EPB41L1: variants seen among roughly 807,000 people sequenced by gnomAD.
The protein encoded by EPB41L1 is band 4.1-like protein 1.
Under a neutral mutation model 97.8 loss-of-function variants are expected in EPB41L1, and 29 were observed. The ratio of observed to expected loss-of-function variants is 0.30; its 90% CI spans 0.22 to 0.40. EPB41L1 has a LOEUF of 0.40. Among genes scored for constraint, EPB41L1 ranks in the 10% least tolerant of loss-of-function variants. The probability of loss-of-function intolerance (pLI) is 1.00; values close to 1 mark genes in which losing one functional copy is unlikely to be tolerated. For missense variants in EPB41L1, 812 were observed against 1,162.3 expected, an observed-to-expected ratio of 0.70 and a Z score of 4.38; for synonymous variants, 383 against 459.2, an observed-to-expected ratio of 0.83 and a Z score of 2.12.
At position 36,195,358 on chromosome 20, in the gene EPB41L1, G is replaced by C; in HGVS notation, c.1479G>C (p.Lys493Asn). ...AGCAGGAAACCACGCCGAGACACAAGCAGGAGGTACTGCATGGGACCTGTC... is the reference window on the plus strand; with the variant it reads ...AGCAGGAAACCACGCCGAGACACAACCAGGAGGTACTGCATGGGACCTGTC... Reference protein sequence around the residue: ...KPEQETTPRHKQEFLDKPEDV... With the variant: ...KPEQETTPRHNQEFLDKPEDV... The change falls in exon 13 of 22, where the codon AAG becomes AAC. Residue 493 changes from lysine to asparagine, a missense_variant. By Grantham distance (94) the Lys-to-Asn change is moderately conservative (BLOSUM62 0). Around this residue, in one of 3 missense-constraint regions of EPB41L1, gnomAD observed 498 missense variants for 622.7 expected, o/e 0.80. Transcript: ENST00000338074. This position sits in a 1 kb window ranked among gnomAD's most constrained non-coding sequence, Gnocchi z 4.6. 6.2e-7 allele frequency: 1 copy of C among 1,613,980 alleles called. No individual in the cohort carries two copies. Among genetic ancestry groups the C allele is most frequent in the Non-Finnish European group, 8.5e-7 (1 of 1,179,982 alleles).
chr20:36,210,477 C>T (rs2063069594), intron 15 of EPB41L1, among the ~76,000 whole-genome samples: 2 of 152,100 alleles, frequency 1.3e-5, no homozygotes, highest in Admixed American at 6.5e-5. Context: ...GGCACGCCTG[C>T]CCATATCATT....
At chr20:36,119,471 G>A (rs1378448797) in intron 2 of EPB41L1, among the ~76,000 whole-genome samples, 1 of 152,062 alleles carries the variant, frequency 6.6e-6, no homozygotes, top group African/African-American at 2.4e-5. Flanking sequence ...GTATGGTGGT[G>A]CACGCCTGTA....
rs748857568 is a variant in EPB41L1 at position 36,195,306 on chromosome 20, TCCCTCCTA to T, written c.1450-20_1450-13del. ...GCTCTACTGACCCTGCTGCTTTCTT[TCCCTCCTA>T]CCACATCCCACTAGCCGGAGCAGGA... On this transcript the variant is annotated splice_polypyrimidine_tract_variant and intron_variant, in intron 12 of 21. Transcript: ENST00000338074. The surrounding 1 kb of genome is among the most constrained non-coding windows in gnomAD (Gnocchi z 4.6). 2.5e-6 allele frequency: 4 copies of T among 1,613,872 alleles called. No individual in the cohort carries two copies. The highest frequency in any genetic ancestry group is 2.5e-6 in the Non-Finnish European group (3 of 1,179,934).
chr20:36,099,995 C>T (rs2057959339), intron 1 of EPB41L1, among the ~76,000 whole-genome samples: 1 of 152,202 alleles, frequency 6.6e-6, no homozygotes, highest in South Asian at 2.1e-4. Flanking sequence ...GTTCTGTTAT[C>T]ACTCTGGCTA....
intron 2 of EPB41L1, among the ~76,000 whole-genome samples, chr20:36,174,482 AG>A (rs961685312): frequency 2.0e-5 from 3 of 152,108 alleles, no homozygotes; most frequent in Admixed American, 1.3e-4. Context: ...CATATTGGCC[AG>A]GCTGGTCTCA....
intron 1 of EPB41L1, among the ~76,000 whole-genome samples, chr20:36,098,164 G>T (rs1332103222): frequency 6.6e-6 from 1 of 152,166 alleles, no homozygotes; most frequent in African/African-American, 2.4e-5. Context: ...TTTCACGACA[G>T]CCTGGCCCTG....
intron 1 of EPB41L1, among the ~76,000 whole-genome samples, chr20:36,100,683 G>A (rs933497241): frequency 6.6e-6 from 1 of 152,202 alleles, no homozygotes; most frequent in Non-Finnish European, 1.5e-5. Context: ...AGATCTGTCC[G>A]AAGCCCACCG....
rs531817058 is a variant in EPB41L1 at position 36,160,603 on chromosome 20, A to G, written c.-15+5707A>G. 5.3e-5 allele frequency among the ~76,000 whole-genome samples: 8 copies of G among 151,970 alleles called. No individual in the cohort carries two copies. In the South Asian group the frequency reaches 1.7e-3, roughly 32 times the overall value. On this transcript the variant is annotated intron_variant, in intron 1 of 21. Transcript: ENST00000338074. Reference sequence around the variant, plus strand: ...AGACTCCGTCACAAAAAAAAAAAAGAAAGAAAGAAAGAAAAAAAGTGTATT... The same window carrying G: ...AGACTCCGTCACAAAAAAAAAAAAGGAAGAAAGAAAGAAAAAAAGTGTATT...
intron 1 of EPB41L1, among the ~76,000 whole-genome samples, chr20:36,100,504 G>A (rs1406808329): frequency 6.6e-6 from 1 of 152,194 alleles, no homozygotes; most frequent in Non-Finnish European, 1.5e-5. Context: ...TTGGCTTACT[G>A]TGTGCCAGGC....
chr20:36,093,352 C>G lies in EPB41L1; in HGVS notation c.-65+1740C>G, dbSNP rs1444454249. 6.8e-6 allele frequency among the ~76,000 whole-genome samples: 1 copy of G among 146,796 alleles called. No individual in the cohort carries two copies. Among genetic ancestry groups the G allele is most frequent in the Non-Finnish European group, 1.5e-5 (1 of 66,354 alleles). The stretch of plus-strand genomic sequence containing the variant: ...GTGTGTGCGCGCGCGTCGCTGTGTG[C>G]GCGCCAGTGTAACTCCCGTGTGTGC... On this transcript the variant is annotated intron_variant, in intron 1 of 19. Transcript: ENST00000202028. The surrounding 1 kb of genome is among the most constrained non-coding windows in gnomAD (Gnocchi z 5.4).
chr20:36,095,076 ATTC>A (rs1356993957), intron 1 of EPB41L1, among the ~76,000 whole-genome samples: 2 of 151,972 alleles, frequency 1.3e-5, no homozygotes, highest in East Asian at 3.9e-4. Context: ...GGTTCAAGCA[ATTC>A]TTCTTCCTCA....
intron 1 of EPB41L1, chr20:36,155,368 C>G (rs1879814500): frequency 2.8e-6 from 1 of 361,740 alleles, no homozygotes; most frequent in Admixed American, 3.6e-5. Flanking sequence ...CCTTCCGTCT[C>G]CCTTCCAAGT....
chr20:36,130,963 C>A (rs1465460032), intron 2 of EPB41L1, among the ~76,000 whole-genome samples: 2 of 151,422 alleles, frequency 1.3e-5, no homozygotes, highest in African/African-American at 2.4e-5. Flanking sequence ...AGCCCGCCAC[C>A]ACACCCGGCT....
At chr20:36,103,995 C>T (rs2058107575) in intron 1 of EPB41L1, among the ~76,000 whole-genome samples, 2 of 152,174 alleles carry the variant, frequency 1.3e-5, no homozygotes, top group Admixed American at 1.3e-4. Flanking sequence ...TGAGCCACCG[C>T]CCCGGCATTA....
chr20:36,185,428 C>A, intron 7 of EPB41L1, 93 bp downstream of exon 7: 1 of 1,197,632 alleles, frequency 8.3e-7, no homozygotes, highest in Non-Finnish European at 1.2e-6. Context: ...ACATACTGTG[C>A]TGTTTGTACC....
At chr20:36,224,270 GTAAA>G (rs976442690) in intron 21 of EPB41L1, among the ~76,000 whole-genome samples, 4 of 152,134 alleles carry the variant, frequency 2.6e-5, no homozygotes, top group African/African-American at 4.8e-5. Flanking sequence ...TATAAAAAAA[GTAAA>G]TAATCTCAAT....
chr20:36,193,292 TA>T (rs2062043853), intron 11 of EPB41L1, among the ~76,000 whole-genome samples: 1 of 152,182 alleles, frequency 6.6e-6, no homozygotes, highest in Non-Finnish European at 1.5e-5. Context: ...TCATCCTCTG[TA>T]AAATGGGGAT....
In EPB41L1 at chr20:36,223,893, G is replaced by GA. The variant is rs144920454; in HGVS notation, c.2637+1507dup. ...CACATTTCATGGGCTCTACCACAAT[G>GA]AAAAAAAATCCATCTCAAAGACCCC... On this transcript the variant is annotated intron_variant, in intron 21 of 21. Transcript: ENST00000338074. Among the ~76,000 whole-genome samples the GA allele has an allele frequency of 7.9e-3, 1,201 of 152,020 alleles. 12 individuals carry two copies. The highest frequency in any genetic ancestry group is 0.028 in the African/African-American group (1,153 of 41,456).
Position 36,180,090 on chromosome 20 carries a change from C to T in EPB41L1, c.490+1418C>T, listed in dbSNP as rs145463885. Among the ~76,000 whole-genome samples, 1,508 of 152,326 alleles carry T rather than the reference C, an allele frequency of 9.9e-3. 61 individuals are homozygous for T. The highest frequency in any genetic ancestry group is 0.072 in the Admixed American group (1,100 of 15,302). On this transcript the variant is annotated intron_variant, in intron 5 of 21. Coordinates refer to ENST00000338074, the MANE Select transcript of EPB41L1 (RefSeq NM_012156.2). ...TGGCCTGCAGCCCCTGCCAGCACAGCCCAGGCCTGGTGGATGTCACTCCTT... is the reference window on the plus strand; with the variant it reads ...TGGCCTGCAGCCCCTGCCAGCACAGTCCAGGCCTGGTGGATGTCACTCCTT...
Sources: allele counts gnomAD v4.1 joint callset (sites outside exome capture counted in the v4.1 genomes callset), GRCh38; gene constraint gnomAD v4.1.1; regional missense constraint gnomAD v4.1.1; non-coding constraint Gnocchi (gnomAD v3.1); transcripts MANE v1.5; gene names NCBI Gene and HGNC (gene_info 2026-07-23, HGNC 2026-07-21).